The following C12orf42 variants were observed in gnomAD, a reference collection of about 807,000 sequenced individuals.
C12orf42 encodes chromosome 12 open reading frame 42.
C12orf42 carries 25 observed loss-of-function variants against 21.6 expected under a neutral mutation model. The ratio of observed to expected loss-of-function variants is 1.16; its 90% CI spans 0.84 to 1.62. C12orf42 has a LOEUF of 1.62. Ranked by LOEUF, C12orf42 falls within the 40% of genes most tolerant of loss-of-function variation. The pLI, the probability that C12orf42 is intolerant of heterozygous loss-of-function variation, is 0.00. For missense variants in C12orf42, 483 were observed against 459.3 expected (o/e 1.05, Z -0.47); for synonymous variants, 174 against 175.0 (o/e 0.99, Z 0.05).
In C12orf42 at chr12:103,283,911, C is replaced by T. The variant is rs116137935; in HGVS notation, n.338-6701G>A. Among the ~76,000 whole-genome samples the T allele has an allele frequency of 5.8e-3, 879 of 152,314 alleles. 11 individuals are homozygous for T. Among genetic ancestry groups the T allele is most frequent in the African/African-American group, 0.02 (838 of 41,566 alleles). ...AAGAAAAAATAACTTGAACAATTTT[C>T]CGGGCAAATGCAATACATATTTTGT... On this transcript the variant is annotated intron_variant and non_coding_transcript_variant, in intron 4 of 6. Coordinates refer to the C12orf42 transcript ENST00000546526.
At chr12:103,236,691 G>A (rs1244079473), downstream of C12orf42, among the ~76,000 whole-genome samples, 1 of 152,110 alleles carries the variant, frequency 6.6e-6, no homozygotes, top group Non-Finnish European at 1.5e-5. Context: ...TGTCATTAAT[G>A]AGAATTAGCA....
At chr12:103,516,856 C>G in the C12orf42 span, among the ~76,000 whole-genome samples, 2 of 152,260 alleles carry the variant, frequency 1.3e-5, no homozygotes, top group Admixed American at 1.3e-4. Context: ...TTATTGGTAT[C>G]ACACAAATAG....
chr12:103,090,045 T>C, the C12orf42 span, among the ~76,000 whole-genome samples: 3 of 152,192 alleles, frequency 2.0e-5, 1 homozygote, highest in Non-Finnish European at 4.4e-5. Context: ...TCTCAAAGGA[T>C]AGCAATGGAG....
the C12orf42 span, among the ~76,000 whole-genome samples, chr12:103,123,227 G>T: frequency 2.1e-3 from 317 of 152,256 alleles, 3 homozygotes; most frequent in East Asian, 0.038. Context: ...GAGTGAAGAG[G>T]TTACCTAAGG....
rs114649159 is a variant in C12orf42, at chr12:103,245,406, C to T, written c.*1367-7504G>A. On this transcript the variant is annotated intron_variant and NMD_transcript_variant, in intron 10 of 10. Coordinates refer to the C12orf42 transcript ENST00000547347. ...ATCACAAAGATGTGTGATTGAATTC[C>T]ACTTATGTTGAACACTAGAGGAGTA... is the stretch of plus-strand genomic sequence containing the variant. Among the ~76,000 whole-genome samples the T allele has an allele frequency of 6.5e-3, 986 of 152,074 alleles. 12 individuals carry two copies. The highest frequency in any genetic ancestry group is 0.023 in the African/African-American group (936 of 41,514).
intron 2 of C12orf42, among the ~76,000 whole-genome samples, chr12:103,435,226 A>T (rs1298885477): frequency 6.6e-6 from 1 of 152,170 alleles, no homozygotes; most frequent in Non-Finnish European, 1.5e-5. Context: ...AACAGAAAGG[A>T]CATCCACACC....
At chr12:103,072,619 T>C in the C12orf42 span, among the ~76,000 whole-genome samples, 20 of 152,196 alleles carry the variant, frequency 1.3e-4, no homozygotes, top group African/African-American at 4.8e-4. Flanking sequence ...CCCCGGTACA[T>C]ACCCAGTAAT....
At chr12:103,313,489 A>G (rs2136682990) in intron 4 of C12orf42, among the ~76,000 whole-genome samples, 1 of 152,322 alleles carries the variant, frequency 6.6e-6, no homozygotes, top group Middle Eastern at 3.4e-3. Context: ...AGTCAAATCT[A>G]TGCTTTTCCC....
At chr12:103,316,395 C>A (rs1205758044) in intron 4 of C12orf42, among the ~76,000 whole-genome samples, 1 of 151,964 alleles carries the variant, frequency 6.6e-6, no homozygotes, top group Non-Finnish European at 1.5e-5. Context: ...GTTTTAGACA[C>A]ACACAAAAAT....
intron 2 of C12orf42, among the ~76,000 whole-genome samples, chr12:103,475,626 T>A (rs959815509): frequency 1.3e-5 from 2 of 152,186 alleles, no homozygotes; most frequent in African/African-American, 4.8e-5. Flanking sequence ...AAGGAAGATG[T>A]TCATTAGAAG....
At chr12:103,557,449 C>A in the C12orf42 span, 1 of 152,216 alleles carries the variant, frequency 6.6e-6, no homozygotes, top group Non-Finnish European at 1.5e-5. Context: ...GGACTTACCA[C>A]TCCCAGTTGC....
intron 4 of C12orf42, among the ~76,000 whole-genome samples, chr12:103,280,162 T>C (rs1330539231): frequency 6.6e-6 from 1 of 152,208 alleles, no homozygotes; most frequent in East Asian, 1.9e-4. Context: ...GATACTGATA[T>C]TACCCACATT....
chr12:103,336,396 C>T (rs2041699215), intron 4 of C12orf42, among the ~76,000 whole-genome samples: 1 of 152,180 alleles, frequency 6.6e-6, no homozygotes, highest in Non-Finnish European at 1.5e-5. Context: ...AGAAATCATA[C>T]ATCCTGAGAT....
chr12:103,063,236 A>G, the C12orf42 span, among the ~76,000 whole-genome samples: 1 of 152,188 alleles, frequency 6.6e-6, no homozygotes, highest in Non-Finnish European at 1.5e-5. Flanking sequence ...AGAGCCTTAA[A>G]TCTGCTAATA....
At chr12:103,325,046 C>T (rs916159517) in intron 4 of C12orf42, among the ~76,000 whole-genome samples, 2 of 152,156 alleles carry the variant, frequency 1.3e-5, no homozygotes, top group African/African-American at 2.4e-5. Flanking sequence ...GGGTTGACTT[C>T]GAGCAATTAT....
At chr12:103,084,278 T>C in the C12orf42 span, among the ~76,000 whole-genome samples, 1 of 152,228 alleles carries the variant, frequency 6.6e-6, no homozygotes, top group South Asian at 2.1e-4. Flanking sequence ...ACAATTTTTA[T>C]GACAAAATGG....
At chr12:103,386,690 C>T (rs1265293866) in intron 3 of C12orf42, among the ~76,000 whole-genome samples, 3 of 152,222 alleles carry the variant, frequency 2.0e-5, no homozygotes, top group Non-Finnish European at 4.4e-5. Flanking sequence ...GCTCTAAAGA[C>T]TCAAAGCAGA....
chr12:103,115,905 T>C, the C12orf42 span, among the ~76,000 whole-genome samples: 2 of 152,204 alleles, frequency 1.3e-5, no homozygotes, highest in African/African-American at 4.8e-5. Flanking sequence ...AGTTCAGTCA[T>C]GGGGTGCTTT....
intron 5 of C12orf42, among the ~76,000 whole-genome samples, chr12:103,273,563 A>G (rs565859458): frequency 6.6e-6 from 1 of 152,248 alleles, no homozygotes; most frequent in South Asian, 2.1e-4. Context: ...CTTTCCTGTC[A>G]TTATCCCATC....
Sources: allele counts gnomAD v4.1 joint callset (sites outside exome capture counted in the v4.1 genomes callset), GRCh38; gene constraint gnomAD v4.1.1; transcripts MANE v1.5; gene names NCBI Gene and HGNC (gene_info 2026-07-23, HGNC 2026-07-21).